LRIG3: variants seen among roughly 807,000 people sequenced by gnomAD.
LRIG3 encodes the protein leucine rich repeats and immunoglobulin like domains 3, also known as leucine-rich repeats and immunoglobulin-like domains protein 3.
Under a neutral mutation model 114.5 loss-of-function variants are expected in LRIG3, and 76 were observed. The observed-to-expected ratio is 0.66, with a 90% CI of 0.55 to 0.80. The LOEUF (loss-of-function observed/expected upper bound fraction) is 0.80. Ranked by LOEUF, LRIG3 falls within the 30% of genes least tolerant of loss-of-function variation. The probability of loss-of-function intolerance (pLI) is 0.00; values close to 1 mark genes in which losing one functional copy is unlikely to be tolerated. For synonymous variants in LRIG3, 512 were observed against 519.8 expected (o/e 0.98, Z 0.20); for missense variants, 1,239 against 1,382.8 (o/e 0.90, Z 1.65).
chr12:58,899,082 C>T (rs1871750277), intron 3 of LRIG3, among the ~76,000 whole-genome samples: 1 of 152,208 alleles, frequency 6.6e-6, no homozygotes, highest in Admixed American at 6.5e-5. Context: ...GCAGGGGCTT[C>T]TGGAAGACCA....
rs1871405940 is a variant in LRIG3, at chr12:58,890,131, T to C, written c.524A>G (p.Asn175Ser). ...TTCCATTGATGTGACTCGGTTGCTG[T>C]TGAGATACCTGTTGAAAGTTTAAAG... ...PALQLKYLYL[N>S]SNRVTSMEPG... is the part of the protein sequence containing the mutation. Residue 175 changes from asparagine to serine, a missense_variant, in exon 5 of 19, where the codon AAC becomes AGC. By Grantham distance (46) the Asn-to-Ser change is conservative (BLOSUM62 1). Transcript: ENST00000320743. 3 of 1,613,312 alleles carry C rather than the reference T, an allele frequency of 1.9e-6. No individual in the cohort carries two copies. Among genetic ancestry groups the C allele is most frequent in the Admixed American group, 1.7e-5 (1 of 59,978 alleles).
intron 3 of LRIG3, among the ~76,000 whole-genome samples, chr12:58,902,302 T>C (rs1871882883): frequency 6.6e-6 from 1 of 152,234 alleles, no homozygotes; most frequent in South Asian, 2.1e-4. Flanking sequence ...ATTTTGATTC[T>C]ATATCATAAT....
chr12:58,917,456 T>G (rs932521249), intron 1 of LRIG3, among the ~76,000 whole-genome samples: 1 of 152,224 alleles, frequency 6.6e-6, no homozygotes, highest in Middle Eastern at 3.2e-3. Flanking sequence ...CTTGGCGTAG[T>G]TACTGGGTTG....
At chr12:58,906,418 A>T (rs1872068582) in intron 3 of LRIG3, among the ~76,000 whole-genome samples, 3 of 152,202 alleles carry the variant, frequency 2.0e-5, no homozygotes, top group Admixed American at 2.0e-4. Flanking sequence ...ATATTACTTT[A>T]AAGTTATATG....
chr12:58,920,111 G>T lies in LRIG3; in HGVS notation c.125C>A (p.Ala42Asp), dbSNP rs760193157. The T allele has an allele frequency of 1.3e-6, 2 of 1,550,392 alleles. No individual in the cohort carries two copies. The highest frequency in any genetic ancestry group is 1.7e-6 in the Non-Finnish European group (2 of 1,148,124). Residue 42 changes from alanine (A) to aspartate (D), a missense_variant, in exon 1 of 19, where the codon GCC (alanine) becomes GAC (aspartate). Ala to Asp is a moderately radical substitution (Grantham distance 126, BLOSUM62 -2). Transcript: ENST00000320743. ...RGELGQPSGV[A>D]AERPCPTTCR... ...GGTAGTGGGGCATGGGCGCTCGGCG[G>T]CTACCCCAGAGGGCTGCCCGAGTTC...
intron 3 of LRIG3, among the ~76,000 whole-genome samples, chr12:58,903,415 TG>T (rs1358077149): frequency 7.9e-5 from 12 of 152,370 alleles, no homozygotes; most frequent in Non-Finnish European, 5.9e-5. Context: ...TTGATGGGGT[TG>T]TTTTTTTCTT....
chr12:58,885,313 T>C (rs1213584810), intron 10 of LRIG3, among the ~76,000 whole-genome samples: 6 of 152,216 alleles, frequency 3.9e-5, no homozygotes, highest in Non-Finnish European at 8.8e-5. Context: ...AACTCTCCTA[T>C]GTCACTCTTA....
At chr12:58,879,309 A>G (rs903523510) in intron 13 of LRIG3, among the ~76,000 whole-genome samples, 1 of 152,224 alleles carries the variant, frequency 6.6e-6, no homozygotes, top group African/African-American at 2.4e-5. Flanking sequence ...ACAGATACAG[A>G]AACAATGAAG....
rs1871032059 is a variant in LRIG3, at chr12:58,879,065, G to C, written c.1842C>G (p.Ile614Met). The C allele has an allele frequency of 6.2e-7, 1 of 1,614,044 alleles. No individual in the cohort carries two copies. Among genetic ancestry groups the C allele is most frequent in the Non-Finnish European group, 8.5e-7 (1 of 1,179,906 alleles). Residue 614 changes from isoleucine (I) to methionine (M), a missense_variant, in exon 14 of 19, where the codon ATC becomes ATG. Ile to Met is a conservative substitution (Grantham distance 10). Transcript: ENST00000320743. ...SFTKTPMDLTIRAGAMARLEC... is the reference protein window; with the variant it reads ...SFTKTPMDLTMRAGAMARLEC... ...CCAAGCGTGCCATGGCCCCAGCTCG[G>C]ATGGTGAGATCCATGGGGGTCTTGG...
At chr12:58,872,905 C>G in intron 18 of LRIG3, 89 bp from the exon 19 acceptor site, 1 of 1,507,622 alleles carries the variant, frequency 6.6e-7, no homozygotes, top group South Asian at 1.3e-5. Flanking sequence ...ACATCTTACC[C>G]CATGAATATG....
intron 3 of LRIG3, among the ~76,000 whole-genome samples, chr12:58,892,812 G>A (rs982917700): frequency 3.9e-5 from 6 of 152,080 alleles, no homozygotes; most frequent in Non-Finnish European, 8.8e-5. Flanking sequence ...AAGCATTCCC[G>A]AGCCAGCTCA....
intron 3 of LRIG3, among the ~76,000 whole-genome samples, chr12:58,913,318 T>G (rs551602585): frequency 1.3e-5 from 2 of 152,332 alleles, no homozygotes; most frequent in East Asian, 3.9e-4. Context: ...AATGCTACCT[T>G]TAAATGCTGA....
At chr12:58,917,376 T>C (rs527934122) in intron 1 of LRIG3, among the ~76,000 whole-genome samples, 11 of 152,216 alleles carry the variant, frequency 7.2e-5, no homozygotes, top group Non-Finnish European at 1.3e-4. Context: ...CCTCTTTAGG[T>C]TGAGAACTGT....
At position 58,880,900 on chromosome 12, in the gene LRIG3, ATC is replaced by A. The variant is rs775217155; in HGVS notation, c.1481-1_1481del. 8 of 1,609,688 alleles carry A rather than the reference ATC, an allele frequency of 5.0e-6. No homozygotes were observed. Among genetic ancestry groups the A allele is most frequent in the Non-Finnish European group, 5.9e-6 (7 of 1,176,548 alleles). On this transcript the variant is annotated splice_acceptor_variant and coding_sequence_variant, in exon 13 of 19. Transcript: ENST00000320743. LOFTEE classifies it high-confidence loss of function. ...CCGTGATCTGGGGTTTGGGAAAATCATCTGTTAAAAATGGAGAGGAGGAGACA... is the reference window on the plus strand; with the variant it reads ...CCGTGATCTGGGGTTTGGGAAAATCATGTTAAAAATGGAGAGGAGGAGACA...
In LRIG3 at chr12:58,879,035, A is replaced by G. The variant is rs1871029223; in HGVS notation, c.1872T>C (p.Cys624=). 6.2e-7 allele frequency: 1 copy of G among 1,614,150 alleles called. No individual in the cohort carries two copies. Among genetic ancestry groups the G allele is most frequent in the East Asian group, 2.2e-5 (1 of 44,868 alleles). The change falls in exon 14 of 19, where the codon TGT becomes TGC. Residue 624 remains cysteine, a synonymous_variant. Coordinates refer to ENST00000320743, the MANE Select transcript of LRIG3 (RefSeq NM_153377.5). ...IRAGAMARLE[C]AAVGHPAPQI... is the part of the protein sequence containing the mutation. ...GGGGGGCTGGGTGCCCCACAGCAGC[A>G]CACTCCAAGCGTGCCATGGCCCCAG...
rs1428547332 is a variant in LRIG3 at position 58,876,480 on chromosome 12, C to A, written c.2660G>T (p.Gly887Val). 1 of 1,614,048 alleles carries A rather than the reference C, an allele frequency of 6.2e-7. No homozygotes were observed. The highest frequency in any genetic ancestry group is 1.7e-5 in the Admixed American group (1 of 60,006). Residue 887 changes from glycine to valine, a missense_variant, in exon 16 of 19, where the codon GGT becomes GTT. Gly to Val is a moderately radical substitution (Grantham distance 109, BLOSUM62 -3). Transcript: ENST00000320743. ...ATGTTGTGGTAAGAAAAATCCAGCA[C>A]CTGAAGATGTGACAAACTGGTGGTG... ...GSHHQFVTSSGAGFFLPQHDS... is the reference protein window; with the variant it reads ...GSHHQFVTSSVAGFFLPQHDS...
intron 12 of LRIG3, 93 bp from the exon 13 acceptor site, chr12:58,880,994 T>C: frequency 1.6e-6 from 2 of 1,227,928 alleles, no homozygotes; most frequent in Non-Finnish European, 1.2e-6. Context: ...GCAAAAACAG[T>C]GGCTTAGGTT....
At position 58,878,804 on chromosome 12, in the gene LRIG3, A is replaced by G; in HGVS notation, c.2083+20T>C. The G allele has an allele frequency of 6.2e-7, 1 of 1,604,382 alleles. No individual in the cohort carries two copies. The highest frequency in any genetic ancestry group is 8.5e-7 in the Non-Finnish European group (1 of 1,173,918). On this transcript the variant is annotated intron_variant, in intron 14 of 18. Coordinates refer to ENST00000320743, the MANE Select transcript of LRIG3 (RefSeq NM_153377.5). ...CTTCAAGACTGATTTATACTACAGA[A>G]TCTTAACAAATTCACCCACCTAGGA... is the stretch of plus-strand genomic sequence containing the variant.
chr12:58,885,664 G>C (rs889387372), intron 10 of LRIG3, among the ~76,000 whole-genome samples, 167 bp downstream of exon 10: 5 of 152,010 alleles, frequency 3.3e-5, no homozygotes, highest in African/African-American at 9.7e-5. Context: ...TAGGTAAGTA[G>C]GTAGACAGAG....
Sources: allele counts gnomAD v4.1 joint callset (sites outside exome capture counted in the v4.1 genomes callset), GRCh38; gene constraint gnomAD v4.1.1; transcripts MANE v1.5; gene names NCBI Gene and HGNC (gene_info 2026-07-23, HGNC 2026-07-21).